The following PLEKHM3 variants were observed in gnomAD, a reference collection of about 807,000 sequenced individuals.
PLEKHM3 encodes pleckstrin homology domain containing M3, also known as pleckstrin homology domain-containing family M member 3.
Under a neutral mutation model 81.8 loss-of-function variants are expected in PLEKHM3, and 45 were observed. The observed-to-expected ratio is 0.55, with a 90% CI of 0.43 to 0.71. PLEKHM3 has a LOEUF of 0.71. Ranked by LOEUF, PLEKHM3 falls within the 30% of genes least tolerant of loss-of-function variation. The pLI is 0.00. For synonymous variants in PLEKHM3, 352 were observed against 356.4 expected (o/e 0.99, Z 0.14); for missense variants, 788 against 924.3 (o/e 0.85, Z 1.91).
At chr2:207,943,871 A>G (rs1057173747) in intron 4 of PLEKHM3, among the ~76,000 whole-genome samples, 4 of 148,324 alleles carry the variant, frequency 2.7e-5, no homozygotes, top group African/African-American at 2.5e-5. Flanking sequence ...CCGTCTCAAA[A>G]AAAAAAAAAA....
chr2:207,930,927 T>C lies in PLEKHM3; in HGVS notation c.1885A>G (p.Arg629Gly), dbSNP rs751585055. 5 of 1,612,560 alleles carry C rather than the reference T, an allele frequency of 3.1e-6. No homozygotes were observed. The highest frequency in any genetic ancestry group is 1.3e-5 in the African/African-American group (1 of 74,912). The change falls in exon 5 of 8, where the codon AGA becomes GGA. Residue 629 changes from arginine (R) to glycine (G), a missense_variant and splice_region_variant. Physicochemically the swap from Arg to Gly is moderately radical, Grantham distance 125. Transcript: ENST00000427836. ...CCGTCTGAGATTTATGACTCTTACC[T>C]GCGGCGGAGATCCTCTGCCACCGCT... ...RAAVAEDLRR[R>G]IFPREYLLQQ...
intron 5 of PLEKHM3, among the ~76,000 whole-genome samples, chr2:207,925,584 G>A (rs1459610424): frequency 6.6e-6 from 1 of 152,208 alleles, no homozygotes; most frequent in Non-Finnish European, 1.5e-5. Context: ...ACAGAAATGA[G>A]CTCTGAGCTC....
chr2:208,007,255 T>C (rs192318843), intron 1 of PLEKHM3, among the ~76,000 whole-genome samples: 1 of 152,210 alleles, frequency 6.6e-6, no homozygotes, highest in African/African-American at 2.4e-5. Context: ...ATGGTCCACA[T>C]TGAGGGCGTT....
intron 1 of PLEKHM3, among the ~76,000 whole-genome samples, chr2:208,014,728 T>C (rs1336462279): frequency 6.6e-6 from 1 of 152,262 alleles, no homozygotes; most frequent in Non-Finnish European, 1.5e-5. Flanking sequence ...TTTCTTTTAT[T>C]ATGGACTATT....
At chr2:207,832,571 C>T (rs1405392307) in intron 7 of PLEKHM3, among the ~76,000 whole-genome samples, 1 of 151,818 alleles carries the variant, frequency 6.6e-6, no homozygotes, top group Non-Finnish European at 1.5e-5. Flanking sequence ...GCAGGTGGAT[C>T]ACCTGAGGTC....
chr2:207,921,211 G>C (rs1689171134), intron 5 of PLEKHM3, among the ~76,000 whole-genome samples: 1 of 152,110 alleles, frequency 6.6e-6, no homozygotes, highest in Admixed American at 6.5e-5. Context: ...ACCACACCCA[G>C]CTAATTTTTG....
chr2:207,856,995 C>G (rs910482140), intron 7 of PLEKHM3, among the ~76,000 whole-genome samples: 1 of 151,796 alleles, frequency 6.6e-6, no homozygotes, highest in African/African-American at 2.4e-5. Context: ...CTGTTCCATG[C>G]GACCTTGAGA....
chr2:207,990,591 A>T (rs1489844098), intron 2 of PLEKHM3, among the ~76,000 whole-genome samples: 1 of 152,226 alleles, frequency 6.6e-6, no homozygotes, highest in East Asian at 1.9e-4. Context: ...TTACAGGCAC[A>T]TCGGGGCACA....
intron 6 of PLEKHM3, among the ~76,000 whole-genome samples, chr2:207,861,749 C>A (rs1212479072): frequency 2.0e-5 from 3 of 152,102 alleles, no homozygotes; most frequent in South Asian, 2.1e-4. Flanking sequence ...AAATAGGTTT[C>A]TTTTGCTGCT....
chr2:207,847,560 T>C lies in PLEKHM3; in HGVS notation c.2108+13545A>G, dbSNP rs140922583. Among the ~76,000 whole-genome samples the C allele has an allele frequency of 1.0e-3, 152 of 152,306 alleles. 2 individuals are homozygous for C. In the East Asian group the frequency reaches 0.025, roughly 25 times the overall value. ...TCAAGTTTCCCACCCCCAAAATGTC[T>C]AAAGGGTCCCCACAGTCCCTTCTAT... On this transcript the variant is annotated intron_variant, in intron 7 of 7. Coordinates refer to ENST00000427836, the MANE Select transcript of PLEKHM3 (RefSeq NM_001080475.3).
chr2:207,837,765 T>C (rs1293049917), intron 7 of PLEKHM3, among the ~76,000 whole-genome samples: 1 of 16,490 alleles, frequency 6.1e-5, no homozygotes, highest in Non-Finnish European at 1.5e-4. Context: ...TCTTCCATTT[T>C]TTTTTTTTTT....
At chr2:207,866,336 T>C (rs1352550554) in intron 6 of PLEKHM3, among the ~76,000 whole-genome samples, 3 of 152,108 alleles carry the variant, frequency 2.0e-5, no homozygotes, top group Non-Finnish European at 2.9e-5. Flanking sequence ...TTTGTATTTT[T>C]AGTAGAGGTG....
intron 4 of PLEKHM3, among the ~76,000 whole-genome samples, chr2:207,945,198 C>T (rs189532487): frequency 1.3e-3 from 203 of 152,312 alleles, no homozygotes; most frequent in African/African-American, 4.6e-3. Context: ...GCTTGTCAGA[C>T]ACCCTGGGAT....
intron 6 of PLEKHM3, chr2:207,900,471 A>G (rs1331414449): frequency 7.9e-5 from 12 of 152,216 alleles, no homozygotes. Flanking sequence ...AGATCTCACT[A>G]CTGAATAGGA....
chr2:207,988,069 C>T (rs1691784815), intron 2 of PLEKHM3, among the ~76,000 whole-genome samples: 1 of 152,206 alleles, frequency 6.6e-6, no homozygotes, highest in African/African-American at 2.4e-5. Context: ...TCCTGATAAT[C>T]TATTCTTTTA....
chr2:208,016,930 A>G (rs1426557473), intron 1 of PLEKHM3, among the ~76,000 whole-genome samples: 1 of 152,184 alleles, frequency 6.6e-6, no homozygotes, highest in African/African-American at 2.4e-5. Context: ...AAATCCACAG[A>G]TGCTCAAGTC....
intron 4 of PLEKHM3, among the ~76,000 whole-genome samples, chr2:207,939,932 G>A (rs945535225): frequency 6.6e-6 from 1 of 152,256 alleles, no homozygotes; most frequent in African/African-American, 2.4e-5. Context: ...TGTGGCAGAC[G>A]GAGGAGTCCA....
rs558076592 is a variant in PLEKHM3, at chr2:207,928,004, T to C, written c.1886+2922A>G. On this transcript the variant is annotated intron_variant, in intron 5 of 7. Coordinates refer to ENST00000427836, the MANE Select transcript of PLEKHM3 (RefSeq NM_001080475.3). ...TAATTAAATTTTTTAATAAAAAAGA[T>C]TTAAAAAAAATTCAATAACATCCCC... 1.3e-5 allele frequency among the ~76,000 whole-genome samples: 2 copies of C among 152,242 alleles called. 1 individual carries two copies. Among genetic ancestry groups the C allele is most frequent in the South Asian group, 4.2e-4 (2 of 4,816 alleles).
intron 6 of PLEKHM3, among the ~76,000 whole-genome samples, chr2:207,894,799 T>C (rs560874855): frequency 2.0e-5 from 3 of 152,244 alleles, no homozygotes; most frequent in South Asian, 2.1e-4. Context: ...TGAAAAAACA[T>C]AACAAAACAG....
Sources: gnomAD v4.1 joint callset for allele counts (sites outside exome capture counted in the v4.1 genomes callset) on GRCh38, gnomAD v4.1.1 for gene constraint, MANE v1.5 for transcripts, NCBI Gene and HGNC (gene_info 2026-07-23, HGNC 2026-07-21) for gene names.